IQGAP2: variants seen among roughly 807,000 people sequenced by gnomAD.
IQGAP2 encodes ras GTPase-activating-like protein IQGAP2.
IQGAP2 carries 173 observed loss-of-function variants against 201.3 expected under a neutral mutation model. The ratio of observed to expected loss-of-function variants is 0.86; its 90% CI spans 0.76 to 0.98. IQGAP2 has a LOEUF of 0.98. Ranked by LOEUF, IQGAP2 falls within the 50% of genes least tolerant of loss-of-function variation. The pLI is 0.00. For missense variants in IQGAP2, 1,687 were observed against 1,864.8 expected, an observed-to-expected ratio of 0.90 and a Z score of 1.76; for synonymous variants, 675 against 673.9, an observed-to-expected ratio of 1.00 and a Z score of -0.03.
intron 2 of IQGAP2, among the ~76,000 whole-genome samples, chr5:76,518,815 A>T (rs947347827): frequency 6.6e-6 from 1 of 152,168 alleles, no homozygotes. Context: ...GAACTTTAAA[A>T]TGTTACATTT....
chr5:76,509,043 G>GTA (rs1260108633), intron 2 of IQGAP2, among the ~76,000 whole-genome samples: 5 of 150,438 alleles, frequency 3.3e-5, no homozygotes, highest in Non-Finnish European at 7.4e-5. Context: ...GTGTGTGTGT[G>GTA]TGTGTGTGTG....
At chr5:76,603,832 T>C (rs1747602705) in intron 11 of IQGAP2, among the ~76,000 whole-genome samples, 1 of 152,088 alleles carries the variant, frequency 6.6e-6, no homozygotes, top group African/African-American at 2.4e-5. Flanking sequence ...ATAGATGAGG[T>C]GAAGAGAACT....
Position 76,654,246 on chromosome 5 carries a change from C to T in IQGAP2, c.2225C>T (p.Ser742Leu). ...RMATARKSYLSRLQYFRDHNN... is the reference protein window; with the variant it reads ...RMATARKSYLLRLQYFRDHNN... ...GCAACTGCAAGAAAGAGCTATCTTT[C>T]AAGACTACAGTATTTCAGAGATCAT... is the stretch of plus-strand genomic sequence containing the variant. Residue 742 changes from serine to leucine, a missense_variant, in exon 19 of 36, where the codon TCA becomes TTA. Transcript: ENST00000274364. 6.2e-7 allele frequency: 1 copy of T among 1,610,146 alleles called. No homozygotes were observed. The highest frequency in any genetic ancestry group is 8.5e-7 in the Non-Finnish European group (1 of 1,177,804).
chr5:76,598,434 T>C (rs1747188348), intron 10 of IQGAP2, among the ~76,000 whole-genome samples: 1 of 151,904 alleles, frequency 6.6e-6, no homozygotes, highest in Non-Finnish European at 1.5e-5. Flanking sequence ...AGGCAATTCA[T>C]AAAACAAGAA....
At chr5:76,648,194 G>T (rs1204523795) in intron 17 of IQGAP2, among the ~76,000 whole-genome samples, 1 of 152,122 alleles carries the variant, frequency 6.6e-6, no homozygotes, top group African/African-American at 2.4e-5. Flanking sequence ...CAGCAATAAC[G>T]AGGAGGCCTT....
intron 2 of IQGAP2, among the ~76,000 whole-genome samples, chr5:76,497,957 T>C (rs1757077061): frequency 1.3e-5 from 2 of 152,192 alleles, no homozygotes; most frequent in African/African-American, 4.8e-5. Flanking sequence ...GATTAGACTT[T>C]GAAATATTTT....
chr5:76,654,126 C>G (rs946136615), intron 18 of IQGAP2, 74 bp from the exon 19 acceptor site: 1 of 974,118 alleles, frequency 1.0e-6, no homozygotes, highest in Admixed American at 2.1e-5. Context: ...AACCGTATTA[C>G]GGGTTGTTTG....
intron 35 of IQGAP2, among the ~76,000 whole-genome samples, chr5:76,706,388 C>T (rs1747898632): frequency 6.6e-6 from 1 of 152,100 alleles, no homozygotes; most frequent in African/African-American, 2.4e-5. Flanking sequence ...TTCTCTGTCG[C>T]TGAGGCTGGA....
intron 21 of IQGAP2, among the ~76,000 whole-genome samples, chr5:76,659,227 A>G (rs1307386427): frequency 1.3e-5 from 2 of 152,228 alleles, no homozygotes; most frequent in Non-Finnish European, 2.9e-5. Context: ...AATGAAATCT[A>G]TATGATAAAA....
At chr5:76,405,056 A>G (rs1243007429) in intron 1 of IQGAP2, among the ~76,000 whole-genome samples, 1 of 152,248 alleles carries the variant, frequency 6.6e-6, no homozygotes, top group Non-Finnish European at 1.5e-5. Context: ...GTGTCAAATG[A>G]TAAGATAACC....
intron 2 of IQGAP2, among the ~76,000 whole-genome samples, chr5:76,506,537 A>G (rs1201698790): frequency 6.6e-6 from 1 of 152,238 alleles, no homozygotes; most frequent in Non-Finnish European, 1.5e-5. Context: ...ATAGACAGTA[A>G]CAGTGATCTC....
intron 3 of IQGAP2, among the ~76,000 whole-genome samples, chr5:76,564,750 C>T (rs1744624965): frequency 6.6e-6 from 1 of 152,126 alleles, no homozygotes; most frequent in Non-Finnish European, 1.5e-5. Flanking sequence ...GACATACATC[C>T]CCAAGTGAAA....
At chr5:76,692,054 G>A (rs1423551511) in intron 30 of IQGAP2, among the ~76,000 whole-genome samples, 1 of 152,174 alleles carries the variant, frequency 6.6e-6, no homozygotes, top group Non-Finnish European at 1.5e-5. Flanking sequence ...TACAGTAAAA[G>A]TGAAACTTCA....
intron 2 of IQGAP2, among the ~76,000 whole-genome samples, chr5:76,509,775 G>A (rs1293503379): frequency 6.6e-6 from 1 of 152,046 alleles, no homozygotes; most frequent in Admixed American, 6.6e-5. Flanking sequence ...CAGAACATGA[G>A]AAAAGTATCC....
chr5:76,577,626 A>G (rs1409866129), intron 5 of IQGAP2, among the ~76,000 whole-genome samples: 1 of 152,198 alleles, frequency 6.6e-6, no homozygotes, highest in African/African-American at 2.4e-5. Context: ...TGTATCTTGC[A>G]GCTTTTTCCA....
At chr5:76,485,969 C>T (rs1370559375) in intron 2 of IQGAP2, among the ~76,000 whole-genome samples, 1 of 152,100 alleles carries the variant, frequency 6.6e-6, no homozygotes, top group Non-Finnish European at 1.5e-5. Flanking sequence ...TACAATTTTT[C>T]TGGTTTTAAT....
At chr5:76,647,823 C>CCCCACACACACACACACACACA (rs1554080322) in intron 17 of IQGAP2, among the ~76,000 whole-genome samples, 12 of 62,582 alleles carry the variant, frequency 1.9e-4, no homozygotes, top group African/African-American at 5.4e-4. Flanking sequence ...TAGCCAAACA[C>CCCCACACACACACACACACACA]CACACACACA....
chr5:76,425,947 C>T (rs1751970109), intron 1 of IQGAP2, among the ~76,000 whole-genome samples: 2 of 152,286 alleles, frequency 1.3e-5, no homozygotes, highest in Admixed American at 1.3e-4. Flanking sequence ...TTCTTGGGTA[C>T]TAACTTCATG....
intron 2 of IQGAP2, among the ~76,000 whole-genome samples, chr5:76,550,668 G>T (rs933898663): frequency 2.0e-5 from 3 of 152,126 alleles, no homozygotes; most frequent in African/African-American, 7.2e-5. Context: ...ACGGGGTTGG[G>T]GGTAGGGTCA....
Sources: allele counts gnomAD v4.1 joint callset (sites outside exome capture counted in the v4.1 genomes callset), GRCh38; gene constraint gnomAD v4.1.1; transcripts MANE v1.5; gene names NCBI Gene and HGNC (gene_info 2026-07-23, HGNC 2026-07-21).